The following MYH7B variants were observed in gnomAD, a reference collection of about 807,000 sequenced individuals.
The protein encoded by MYH7B is myosin heavy chain 7B, also known as myosin-7B.
Under a neutral mutation model 234.5 loss-of-function variants are expected in MYH7B, and 205 were observed. The observed-to-expected ratio is 0.87, with a 90% CI of 0.78 to 0.98. The LOEUF is 0.98. Among genes scored for constraint, MYH7B ranks in the 50% least tolerant of loss-of-function variants. MYH7B has a pLI of 0.00. For missense variants in MYH7B, 2,652 were observed against 2,633.4 expected (o/e 1.01, Z -0.15); for synonymous variants, 1,193 against 1,105.0 (o/e 1.08, Z -1.58).
intron 4 of MYH7B, 81 bp from the exon 5 acceptor site, chr20:34,977,853 A>T: frequency 1.3e-6 from 2 of 1,578,714 alleles, no homozygotes; most frequent in Non-Finnish European, 1.7e-6. Flanking sequence ...ATTGGGAGCC[A>T]GAGGGAGTCG....
chr20:34,979,751 G>C, exon 7 of MYH7B: 1 of 1,614,176 alleles, frequency 6.2e-7, no homozygotes, highest in Non-Finnish European at 8.5e-7. Flanking sequence ...GCACCTGAAC[G>C]AGGCCTCTGT....
chr20:34,991,903 C>G (rs1354575041), intron 24 of MYH7B, among the ~76,000 whole-genome samples: 1 of 152,218 alleles, frequency 6.6e-6, no homozygotes, highest in Non-Finnish European at 1.5e-5. Flanking sequence ...CGTATGCCTG[C>G]CATCGTCATC....
At chr20:34,977,719 C>A (rs1180213244) in intron 4 of MYH7B, 39 bp downstream of exon 4, 1 of 267,442 alleles carries the variant, frequency 3.7e-6, no homozygotes, top group African/African-American at 1.5e-4. Context: ...GAAGGGAGGG[C>A]AGGAGGGTGG....
intron 2 of MYH7B, among the ~76,000 whole-genome samples, chr20:34,961,001 C>A (rs1388540309): frequency 6.6e-6 from 1 of 152,124 alleles, no homozygotes; most frequent in African/African-American, 2.4e-5. Flanking sequence ...ACTCTAGGGT[C>A]TGTGCCCTGG....
chr20:34,967,584 C>G (rs1041529686), intron 2 of MYH7B, among the ~76,000 whole-genome samples: 1 of 152,108 alleles, frequency 6.6e-6, no homozygotes, highest in African/African-American at 2.4e-5. Flanking sequence ...GCTGCTTGGT[C>G]TTTCATGGAG....
In MYH7B at chr20:34,999,785, C is replaced by A. The variant is rs2147242060; in HGVS notation, c.4666-6C>A. ...CCACCCTACCCTGCCTGCTCTGTAT[C>A]CACAGGGGGCCCTGGAGCTGGAGGA... On this transcript the variant is annotated splice_region_variant and splice_polypyrimidine_tract_variant and intron_variant, in intron 37 of 44. Transcript: ENST00000262873. The A allele has an allele frequency of 7.0e-7, 1 of 1,418,824 alleles. No homozygotes were observed. The highest frequency in any genetic ancestry group is 1.1e-5 in the South Asian group (1 of 87,860). 87.9% of individuals were successfully genotyped at this position (1,418,824 alleles called of 1,614,324 possible). A position where few individuals can be genotyped will look rare whatever the true frequency, so the allele number is the denominator to read the frequency against.
rs1317281495 is a variant in MYH7B at position 34,980,575 on chromosome 20, C to G, written c.343-3C>G. On this transcript the variant is annotated splice_polypyrimidine_tract_variant and splice_region_variant and intron_variant, in intron 7 of 44. Transcript: ENST00000262873. ...ATAAACCCTACCTATACTCTCTCTTCAGACCTACTCAGGCCTCTTCTGTGT... is the reference window on the plus strand; with the variant it reads ...ATAAACCCTACCTATACTCTCTCTTGAGACCTACTCAGGCCTCTTCTGTGT... The G allele has an allele frequency of 6.2e-7, 1 of 1,612,666 alleles. No individual in the cohort carries two copies. The highest frequency in any genetic ancestry group is 1.1e-5 in the South Asian group (1 of 91,046).
At chr20:34,986,034 C>A in intron 13 of MYH7B, 66 bp from the exon 14 acceptor site, 1 of 1,369,284 alleles carries the variant, frequency 7.3e-7, no homozygotes, top group Admixed American at 2.0e-5. Context: ...CCCTCCGCAT[C>A]GCCCCCTTGG....
rs759504864 is a variant in MYH7B at position 35,000,690 on chromosome 20, G to GTGGGGACAGGAGTCCC, written c.5178+11_5178+26dup. 1 of 1,595,976 alleles carries GTGGGGACAGGAGTCCC rather than the reference G, an allele frequency of 6.3e-7. No homozygotes were observed. The highest frequency in any genetic ancestry group is 1.1e-5 in the South Asian group (1 of 88,878). On this transcript the variant is annotated splice_donor_variant, in intron 39 of 44. Transcript: ENST00000262873. LOFTEE classifies it high-confidence loss of function. ...GCGCCTCAACCTTCTGCATTCGCAGGTGGGGACAGGAGTCCCTGGGGACAG... is the reference window on the plus strand; with the variant it reads ...GCGCCTCAACCTTCTGCATTCGCAGGTGGGGACAGGAGTCCCTGGGGACAGGAGTCCCTGGGGACAG...
At chr20:34,979,618 G>C (rs371256556) in intron 6 of MYH7B, 43 bp from the exon 7 acceptor site, 3 of 1,612,596 alleles carry the variant, frequency 1.9e-6, no homozygotes, top group East Asian at 4.5e-5. Flanking sequence ...AGGTCGGTCG[G>C]TTCCTCCCGG....
chr20:34,994,174 A>G, exon 27 of MYH7B: 1 of 1,613,414 alleles, frequency 6.2e-7, no homozygotes, highest in Non-Finnish European at 8.5e-7. Flanking sequence ...CCAGTGGAAC[A>G]TCCGTGCCTT....
chr20:34,997,454 G>GGCGGCGCT lies in MYH7B; in HGVS notation c.3567_3574dup (p.His1192ArgfsTer57). On this transcript the variant is annotated frameshift_variant, in exon 32 of 45. Transcript: ENST00000262873. LOFTEE classifies it high-confidence loss of function. ...GGAGGCTGCGGCGGGAGCTGGAGGA[G>GGCGGCGCT]GCGGCGCTGCGGCACGAGGCCACAG... 1 of 1,490,884 alleles carries GGCGGCGCT rather than the reference G, an allele frequency of 6.7e-7. No homozygotes were observed. Among genetic ancestry groups the GGCGGCGCT allele is most frequent in the Non-Finnish European group, 8.9e-7 (1 of 1,124,708 alleles). 92.4% of individuals were successfully genotyped at this position (1,490,884 alleles called of 1,614,324 possible). A position where few individuals can be genotyped will look rare whatever the true frequency, so the allele number is the denominator to read the frequency against.
In MYH7B at chr20:34,982,571, TC is replaced by T; in HGVS notation, c.624+17del. On this transcript the variant is annotated intron_variant, in intron 10 of 44. Coordinates refer to ENST00000262873, the Ensembl canonical transcript of MYH7B. ...CAAGAAGGCCGTAAGACTTGCCCACTCGGGCATGCTCCCCGTTGCTTCTCGC... is the reference window on the plus strand; with the variant it reads ...CAAGAAGGCCGTAAGACTTGCCCACTGGGCATGCTCCCCGTTGCTTCTCGC... The T allele has an allele frequency of 2.0e-6, 3 of 1,534,168 alleles. No individual in the cohort carries two copies. The highest frequency in any genetic ancestry group is 1.8e-6 in the Non-Finnish European group (2 of 1,128,214).
Position 34,982,944 on chromosome 20 carries a change from T to C in MYH7B, c.624+389T>C, listed in dbSNP as rs2081961693. 2.0e-5 allele frequency among the ~76,000 whole-genome samples: 3 copies of C among 152,256 alleles called. No homozygotes were observed. The South Asian group carries it at 6.2e-4, about 31-fold the overall frequency. On this transcript the variant is annotated intron_variant, in intron 10 of 44. Transcript: ENST00000262873. The stretch of plus-strand genomic sequence containing the variant: ...CTGCTGACACATTAGACACAGAGGT[T>C]GGCTGGCATGCAGGGCACTGGGCAT...
intron 28 of MYH7B, 85 bp downstream of exon 28, chr20:34,995,663 T>A (rs1159105751): frequency 6.4e-7 from 1 of 1,560,402 alleles, no homozygotes; most frequent in Non-Finnish European, 8.7e-7. Flanking sequence ...ACCCCGGCTC[T>A]GCTAAGCCTC....
At chr20:34,993,749 A>C (rs1181122094) in intron 26 of MYH7B, among the ~76,000 whole-genome samples, 1 of 152,234 alleles carries the variant, frequency 6.6e-6, no homozygotes, top group Non-Finnish European at 1.5e-5. Context: ...GGCCCCAGGC[A>C]AGATACTTTC....
chr20:34,992,859 C>A (rs113970213), intron 24 of MYH7B, among the ~76,000 whole-genome samples: 2 of 152,162 alleles, frequency 1.3e-5, no homozygotes, highest in African/African-American at 2.4e-5. Flanking sequence ...CGTGAGCCAC[C>A]GCACCCAGCC....
Position 34,986,992 on chromosome 20 carries a change from A to G in MYH7B, c.1008+3A>G. ...GGGAGGAGCTCATCGCCACCGACGT[A>G]TGAGCTCTGGTGGGAGGGGAGCTGT... is the stretch of plus-strand genomic sequence containing the variant. On this transcript the variant is annotated splice_donor_region_variant and intron_variant, in intron 15 of 44. Coordinates refer to ENST00000262873, the Ensembl canonical transcript of MYH7B. The G allele has an allele frequency of 1.2e-6, 2 of 1,613,236 alleles. No homozygotes were observed. The highest frequency in any genetic ancestry group is 1.7e-6 in the Non-Finnish European group (2 of 1,179,484).
At chr20:34,992,155 G>A (rs1269451503) in intron 24 of MYH7B, among the ~76,000 whole-genome samples, 1 of 152,166 alleles carries the variant, frequency 6.6e-6, no homozygotes, top group African/African-American at 2.4e-5. Flanking sequence ...GGAGGCCGAG[G>A]CAGGCGGATC....
Sources: allele counts gnomAD v4.1 joint callset (sites outside exome capture counted in the v4.1 genomes callset), GRCh38; gene constraint gnomAD v4.1.1; transcripts MANE v1.5; gene names NCBI Gene and HGNC (gene_info 2026-07-23, HGNC 2026-07-21).